Variants in MMP26 observed in about 807,000 individuals in gnomAD.
MMP26 encodes the protein matrix metalloproteinase-26.
A neutral mutation model predicts 31.0 loss-of-function variants in MMP26; 33 were observed. That is an observed-to-expected ratio of 1.06 (90% confidence interval 0.81 to 1.42). The LOEUF is 1.42. Among genes scored for constraint, MMP26 ranks in the 40% most tolerant of loss-of-function variants. The pLI, the probability that MMP26 is intolerant of heterozygous loss-of-function variation, is 0.00. For missense variants in MMP26, 347 were observed against 316.1 expected (o/e 1.10, Z -0.74); for synonymous variants, 122 against 114.9 (o/e 1.06, Z -0.40).
intron 2 of MMP26, chr11:4,804,058 T>C (rs933336742): frequency 1.2e-6 from 2 of 1,613,758 alleles, no homozygotes; most frequent in Non-Finnish European, 1.7e-6. Flanking sequence ...AGAAAAGGCA[T>C]GGATGAAGAA....
Position 4,951,176 on chromosome 11 carries a change from G to A in MMP26, c.-144-36892G>A, listed in dbSNP as rs1846369420. Among the ~76,000 whole-genome samples the A allele has an allele frequency of 2.4e-5, 3 of 124,434 alleles. 1 individual carries two copies. The highest frequency in any genetic ancestry group is 2.4e-4 in the South Asian group (1 of 4,130). 81.6% of individuals were successfully genotyped at this position (124,434 alleles called of 152,430 possible). A position where few individuals can be genotyped will look rare whatever the true frequency, so the allele number is the denominator to read the frequency against. ...GTATTCTGATTTAATTGACTATGAT[G>A]TTAACCTGAATATCACAACTTTTGA... On this transcript the variant is annotated intron_variant, in intron 2 of 7. Coordinates refer to ENST00000380390, the MANE Select transcript of MMP26 (RefSeq NM_021801.5).
intron 2 of MMP26, among the ~76,000 whole-genome samples, chr11:4,920,528 G>A (rs962007192): frequency 1.3e-5 from 2 of 152,194 alleles, no homozygotes; most frequent in African/African-American, 4.8e-5. Context: ...ACTCTGACAT[G>A]AGGCCCCAGA....
chr11:4,778,161 G>T (rs550961532), intron 2 of MMP26, among the ~76,000 whole-genome samples: 2 of 151,980 alleles, frequency 1.3e-5, no homozygotes, highest in Admixed American at 1.3e-4. Context: ...TTTCTTATGG[G>T]TGTTCACTGA....
At chr11:4,979,088 C>T (rs1846778609) in intron 2 of MMP26, among the ~76,000 whole-genome samples, 1 of 152,026 alleles carries the variant, frequency 6.6e-6, no homozygotes, top group Non-Finnish European at 1.5e-5. Context: ...AGACATGAAA[C>T]AAACATTTTG....
intron 2 of MMP26, among the ~76,000 whole-genome samples, chr11:4,884,814 A>G (rs1007385499): frequency 6.6e-6 from 1 of 152,158 alleles, no homozygotes; most frequent in Non-Finnish European, 1.5e-5. Context: ...TAAAAAGCCT[A>G]ATAGAAACTT....
At chr11:4,973,195 T>A in intron 2 of MMP26, 1 of 179,458 alleles carries the variant, frequency 5.6e-6, no homozygotes. Context: ...TCTTTCATGA[T>A]GCTATGCTCA....
intron 2 of MMP26, chr11:4,830,190 A>T (rs1021349913): frequency 2.0e-5 from 3 of 152,208 alleles, no homozygotes; most frequent in Admixed American, 6.5e-5. Context: ...AAGCTGGAGG[A>T]TCTGAAGGCT....
chr11:4,954,967 C>T lies in MMP26; in HGVS notation c.-144-33101C>T, dbSNP rs776553861. 9.7e-6 allele frequency: 13 copies of T among 1,334,370 alleles called. 3 individuals are homozygous for T. In the Admixed American group the frequency reaches 2.4e-4, roughly 25 times the overall value. The allele number at this position is 1,334,370 out of a possible 1,614,324, so 82.7% of individuals were successfully genotyped here. A position where few individuals can be genotyped will look rare whatever the true frequency, so the allele number is the denominator to read the frequency against. ...TGATGATGGGCAGGTAGAAGATGAT[C>T]ACTGCACAGATGTGTGAAACACAAG... is the stretch of plus-strand genomic sequence containing the variant. On this transcript the variant is annotated intron_variant, in intron 2 of 7. Coordinates refer to ENST00000380390, the MANE Select transcript of MMP26 (RefSeq NM_021801.5).
At chr11:4,775,485 A>T (rs1848779282) in intron 2 of MMP26, among the ~76,000 whole-genome samples, 1 of 152,042 alleles carries the variant, frequency 6.6e-6, no homozygotes, top group Middle Eastern at 3.2e-3. Context: ...TTGACTGCTC[A>T]ATGATATATC....
chr11:4,787,676 C>T (rs1848967490), intron 2 of MMP26: 1 of 152,246 alleles, frequency 6.6e-6, no homozygotes, highest in African/African-American at 2.4e-5. Flanking sequence ...TATCCTCAAA[C>T]TCTTTCAAAC....
chr11:4,947,177 GA>G (rs530467330), intron 2 of MMP26: 3 of 1,013,594 alleles, frequency 3.0e-6, no homozygotes, highest in African/African-American at 1.7e-5. Flanking sequence ...AAATTTAGTA[GA>G]AAAAAAGCAG....
At position 4,988,217 on chromosome 11, in the gene MMP26, G is replaced by A. The variant is rs1846933794; in HGVS notation, c.6G>A (p.Gln2=). 6.2e-7 allele frequency: 1 copy of A among 1,613,942 alleles called. No individual in the cohort carries two copies. Among genetic ancestry groups the A allele is most frequent in the African/African-American group, 1.3e-5 (1 of 74,910 alleles). The change falls in exon 3 of 8, where the codon CAG becomes CAA. Residue 2 remains glutamine, a synonymous_variant. Coordinates refer to ENST00000380390, the MANE Select transcript of MMP26 (RefSeq NM_021801.5). M[Q]LVILRVTIFL... ...GGGACAAATGAGGGTTTGGCATGCAGCTCGTCATCTTAAGAGTTACTATCT... is the reference window on the plus strand; with the variant it reads ...GGGACAAATGAGGGTTTGGCATGCAACTCGTCATCTTAAGAGTTACTATCT...
rs1281243495 is a variant in MMP26 at position 4,728,900 on chromosome 11, T to G, written c.-217+23855T>G. Among the ~76,000 whole-genome samples the G allele has an allele frequency of 2.0e-5, 3 of 152,050 alleles. No individual in the cohort carries two copies. In the East Asian group the frequency reaches 5.8e-4, roughly 29 times the overall value. On this transcript the variant is annotated intron_variant, in intron 1 of 7. Transcript: ENST00000380390. ...TATTTTACATATTCAATATTCAATG[T>G]GCATTTTGCTTTATTAACTAAATCT...
intron 2 of MMP26, chr11:4,973,221 T>A (rs1227162747): frequency 6.1e-6 from 1 of 163,614 alleles, no homozygotes; most frequent in Non-Finnish European, 1.4e-5. Flanking sequence ...GCTTTCAGTA[T>A]CAACATGTAG....
rs79419343 is a variant in MMP26, at chr11:4,884,771, T to C, written c.-144-103297T>C. Among the ~76,000 whole-genome samples the C allele has an allele frequency of 9.7e-3, 1,484 of 152,314 alleles. 23 individuals are homozygous for C. The highest frequency in any genetic ancestry group is 0.034 in the African/African-American group (1,416 of 41,578). ...ATATCTGGAAAAACAGTATTTTTTT[T>C]CTTTCTTAAGTTTGGTGTCATAATT... On this transcript the variant is annotated intron_variant, in intron 2 of 7. Transcript: ENST00000380390.
chr11:4,931,130 A>G (rs1289003743), intron 2 of MMP26, among the ~76,000 whole-genome samples: 3 of 152,036 alleles, frequency 2.0e-5, no homozygotes, highest in Non-Finnish European at 4.4e-5. Context: ...TTTGAGGAAG[A>G]TAAATGTTCG....
intron 2 of MMP26, chr11:4,769,621 G>A: frequency 2.5e-6 from 4 of 1,608,910 alleles, no homozygotes; most frequent in Non-Finnish European, 2.5e-6. Context: ...TCTGGACAAT[G>A]CAGCTATATA....
chr11:4,905,699 A>T (rs1191000729), intron 2 of MMP26, among the ~76,000 whole-genome samples: 1 of 152,170 alleles, frequency 6.6e-6, no homozygotes, highest in Non-Finnish European at 1.5e-5. Flanking sequence ...TTACTAAGGA[A>T]GCTTATTAAA....
At chr11:4,777,690 G>T (rs1244441259) in intron 2 of MMP26, among the ~76,000 whole-genome samples, 2 of 152,038 alleles carry the variant, frequency 1.3e-5, no homozygotes, top group Non-Finnish European at 2.9e-5. Flanking sequence ...GCCTGTTTTT[G>T]GATGTTATCT....
Sources: allele counts gnomAD v4.1 joint callset (sites outside exome capture counted in the v4.1 genomes callset), GRCh38; gene constraint gnomAD v4.1.1; transcripts MANE v1.5; gene names NCBI Gene and HGNC (gene_info 2026-07-23, HGNC 2026-07-21).